Variants in GRID2 observed in about 807,000 individuals in gnomAD.
GRID2 encodes glutamate ionotropic receptor delta type subunit 2, also known as glutamate receptor ionotropic, delta-2.
GRID2 carries 33 observed loss-of-function variants against 114.8 expected under a neutral mutation model. The ratio of observed to expected loss-of-function variants is 0.29; its 90% CI spans 0.22 to 0.38. The LOEUF (loss-of-function observed/expected upper bound fraction) is 0.38. Among genes scored for constraint, GRID2 ranks in the 10% least tolerant of loss-of-function variants. The pLI is 1.00. For synonymous variants in GRID2, 505 were observed against 449.9 expected, an observed-to-expected ratio of 1.12 and a Z score of -1.55; for missense variants, 1,184 against 1,257.7, an observed-to-expected ratio of 0.94 and a Z score of 0.89.
intron 8 of GRID2, among the ~76,000 whole-genome samples, chr4:93,270,147 A>T (rs576779915): frequency 6.6e-6 from 1 of 151,926 alleles, no homozygotes; most frequent in Non-Finnish European, 1.5e-5. Context: ...GATCAGCTAT[A>T]AAATCATCAT....
Position 93,240,363 on chromosome 4 carries a change from A to G in GRID2, c.1245+1873A>G, listed in dbSNP as rs564555111. ...ATATATCCTCATGATTTCAATTTACATTTCCCTGATTATGAAACAGTCTGC... is the reference window on the plus strand; with the variant it reads ...ATATATCCTCATGATTTCAATTTACGTTTCCCTGATTATGAAACAGTCTGC... On this transcript the variant is annotated intron_variant, in intron 8 of 15. Transcript: ENST00000282020. Among the ~76,000 whole-genome samples, 3 of 151,436 alleles carry G rather than the reference A, an allele frequency of 2.0e-5. No individual in the cohort carries two copies. The East Asian group carries it at 5.8e-4, about 29-fold the overall frequency.
intron 1 of GRID2, among the ~76,000 whole-genome samples, chr4:92,308,394 C>A (rs1189516457): frequency 3.3e-5 from 5 of 152,122 alleles, no homozygotes; most frequent in Admixed American, 2.6e-4. Flanking sequence ...AAATCACTAG[C>A]ATATTTTTGT....
intron 1 of GRID2, among the ~76,000 whole-genome samples, chr4:92,337,956 A>G (rs1026691382): frequency 1.3e-5 from 2 of 152,120 alleles, no homozygotes; most frequent in South Asian, 4.1e-4. Context: ...GCGTGTGTGC[A>G]TATGTGTGTG....
At chr4:92,407,640 G>C (rs4337699) in intron 1 of GRID2, among the ~76,000 whole-genome samples, 60 of 152,192 alleles carry the variant, frequency 3.9e-4, no homozygotes, top group African/African-American at 1.3e-3. Flanking sequence ...GGTGTGAGAT[G>C]GTATCTCCTT....
chr4:92,667,786 C>A (rs558501670), intron 2 of GRID2, among the ~76,000 whole-genome samples: 2 of 151,632 alleles, frequency 1.3e-5, no homozygotes, highest in African/African-American at 4.8e-5. Flanking sequence ...AAATCTCATT[C>A]TCTTGCTTGG....
chr4:92,721,113 A>G (rs1219549833), intron 2 of GRID2, among the ~76,000 whole-genome samples: 1 of 152,126 alleles, frequency 6.6e-6, no homozygotes, highest in African/African-American at 2.4e-5. Context: ...TCAAATTTAT[A>G]GAGACACGAG....
intron 2 of GRID2, among the ~76,000 whole-genome samples, chr4:92,955,970 C>A (rs151078417): frequency 6.6e-6 from 1 of 152,138 alleles, no homozygotes; most frequent in Non-Finnish European, 1.5e-5. Flanking sequence ...CTGCCCACTT[C>A]GGCCTCACAA....
chr4:93,186,562 A>C (rs1213815500), intron 4 of GRID2, among the ~76,000 whole-genome samples: 1 of 152,158 alleles, frequency 6.6e-6, no homozygotes, highest in African/African-American at 2.4e-5. Flanking sequence ...ATCTCCCTAC[A>C]TGCTCTTCCC....
At chr4:93,493,663 T>C (rs752271961) in intron 12 of GRID2, among the ~76,000 whole-genome samples, 11 of 151,730 alleles carry the variant, frequency 7.2e-5, no homozygotes, top group Non-Finnish European at 1.6e-4. Context: ...TTACTAACTT[T>C]GCCAGCACCA....
At chr4:92,892,488 A>G (rs1265939616) in intron 2 of GRID2, among the ~76,000 whole-genome samples, 1 of 152,042 alleles carries the variant, frequency 6.6e-6, no homozygotes, top group Non-Finnish European at 1.5e-5. Context: ...TATTTTCTTC[A>G]TTGTTGTGGA....
intron 8 of GRID2, among the ~76,000 whole-genome samples, chr4:93,328,164 A>G (rs1030109651): frequency 1.3e-5 from 2 of 152,120 alleles, no homozygotes; most frequent in Non-Finnish European, 2.9e-5. Flanking sequence ...TTTAGCAAGC[A>G]ATATGCACTT....
At chr4:92,858,429 A>G (rs1744312732) in intron 2 of GRID2, among the ~76,000 whole-genome samples, 1 of 152,226 alleles carries the variant, frequency 6.6e-6, no homozygotes, top group Non-Finnish European at 1.5e-5. Context: ...TTAAGGGTTC[A>G]AGTCTTCAGT....
chr4:93,021,793 A>G (rs1475419804), intron 2 of GRID2, among the ~76,000 whole-genome samples: 1 of 146,138 alleles, frequency 6.8e-6, no homozygotes, highest in Non-Finnish European at 1.5e-5. Flanking sequence ...TATATTATAT[A>G]TTATTTTTAT....
intron 2 of GRID2, among the ~76,000 whole-genome samples, chr4:92,692,532 C>T (rs1734226011): frequency 6.6e-6 from 1 of 152,088 alleles, no homozygotes; most frequent in Admixed American, 6.6e-5. Context: ...AATAATATAG[C>T]TTTTTCCATG....
chr4:92,839,271 CT>C lies in GRID2; in HGVS notation c.245-245713del, dbSNP rs995207263. Among the ~76,000 whole-genome samples the C allele has an allele frequency of 3.1e-3, 438 of 142,562 alleles. 1 individual carries two copies. Among genetic ancestry groups the C allele is most frequent in the African/African-American group, 8.7e-3 (341 of 39,078 alleles). The allele number at this position is 142,562 out of a possible 152,430, so 93.5% of individuals were successfully genotyped here. A position where few individuals can be genotyped will look rare whatever the true frequency, so the allele number is the denominator to read the frequency against. On this transcript the variant is annotated intron_variant, in intron 2 of 15. Coordinates refer to ENST00000282020, the MANE Select transcript of GRID2 (RefSeq NM_001510.4). Reference sequence around the variant, plus strand: ...TTTCATACTGTGTGTTGTAAGAGTTCTTTTTTTTTTTAATACTTTATGTTTT... The same window carrying C: ...TTTCATACTGTGTGTTGTAAGAGTTCTTTTTTTTTTAATACTTTATGTTTT...
At chr4:92,476,701 A>G (rs1722330337) in intron 1 of GRID2, among the ~76,000 whole-genome samples, 1 of 152,210 alleles carries the variant, frequency 6.6e-6, no homozygotes, top group South Asian at 2.1e-4. Context: ...GTTTTTCTAA[A>G]TAACATAGCA....
chr4:92,928,361 A>T (rs2149516660), intron 2 of GRID2, among the ~76,000 whole-genome samples: 1 of 151,834 alleles, frequency 6.6e-6, no homozygotes, highest in African/African-American at 2.4e-5. Flanking sequence ...CATGATATTT[A>T]GAAGTAGATA....
intron 3 of GRID2, among the ~76,000 whole-genome samples, chr4:93,097,389 C>G (rs920418559): frequency 6.6e-6 from 1 of 151,190 alleles, no homozygotes; most frequent in Non-Finnish European, 1.5e-5. Context: ...TAATTTTAAA[C>G]TAAACACATA....
chr4:92,321,814 G>A (rs770308844), intron 1 of GRID2, among the ~76,000 whole-genome samples: 1 of 152,094 alleles, frequency 6.6e-6, no homozygotes, highest in East Asian at 1.9e-4. Flanking sequence ...GAAAATATAA[G>A]CGTTGTATTT....
Sources: gnomAD v4.1 joint callset for allele counts (sites outside exome capture counted in the v4.1 genomes callset) on GRCh38, gnomAD v4.1.1 for gene constraint, MANE v1.5 for transcripts, NCBI Gene and HGNC (gene_info 2026-07-23, HGNC 2026-07-21) for gene names.